RALGAPA1: variants seen among roughly 807,000 people sequenced by gnomAD.
RALGAPA1 encodes Ral GTPase activating protein catalytic subunit alpha 1, also known as ral GTPase-activating protein subunit alpha-1.
RALGAPA1 carries 52 observed loss-of-function variants against 269.6 expected under a neutral mutation model. That is an observed-to-expected ratio of 0.19 (90% CI 0.15 to 0.24). The LOEUF (loss-of-function observed/expected upper bound fraction) is 0.24. RALGAPA1 is among the 10% of genes least tolerant of loss of function. The pLI is 1.00. For missense variants in RALGAPA1, 1,917 were observed against 3,013.9 expected, an observed-to-expected ratio of 0.64 and a Z score of 8.52; for synonymous variants, 817 against 1,008.3, an observed-to-expected ratio of 0.81 and a Z score of 3.60.
At chr14:35,652,385 C>G (rs921009773) in intron 30 of RALGAPA1, among the ~76,000 whole-genome samples, 1 of 130,290 alleles carries the variant, frequency 7.7e-6, no homozygotes, top group Non-Finnish European at 1.7e-5. Flanking sequence ...TATATATATA[C>G]ACACACACAT....
chr14:35,798,987 T>C (rs2076771535), intron 1 of RALGAPA1, among the ~76,000 whole-genome samples: 1 of 142,640 alleles, frequency 7.0e-6, no homozygotes, highest in African/African-American at 2.6e-5. Context: ...CACAGCTGTC[T>C]GTGTCAAAAA....
chr14:35,717,870 A>AT (rs2068984048), intron 16 of RALGAPA1, among the ~76,000 whole-genome samples: 1 of 151,904 alleles, frequency 6.6e-6, no homozygotes, highest in Non-Finnish European at 1.5e-5. Context: ...CATTTTTTTG[A>AT]TATATAATAA....
intron 19 of RALGAPA1, among the ~76,000 whole-genome samples, chr14:35,685,676 G>T (rs1229679365): frequency 6.6e-6 from 1 of 152,124 alleles, no homozygotes; most frequent in African/African-American, 2.4e-5. Context: ...GGCTGAGGTG[G>T]GCAGATCACC....
At chr14:35,638,879 T>C (rs568151534) in intron 31 of RALGAPA1, among the ~76,000 whole-genome samples, 1 of 152,048 alleles carries the variant, frequency 6.6e-6, no homozygotes, top group African/African-American at 2.4e-5. Flanking sequence ...TGAGCTGAGA[T>C]TGCGCCGCTG....
At chr14:35,758,291 A>G (rs1223880552) in intron 6 of RALGAPA1, among the ~76,000 whole-genome samples, 2 of 151,516 alleles carry the variant, frequency 1.3e-5, no homozygotes, top group African/African-American at 4.8e-5. Flanking sequence ...AAGAAGTAAG[A>G]AAATACAAAC....
intron 41 of RALGAPA1, among the ~76,000 whole-genome samples, chr14:35,542,966 T>C (rs952137315): frequency 6.6e-6 from 1 of 152,250 alleles, no homozygotes; most frequent in African/African-American, 2.4e-5. Context: ...TTGTACTGTT[T>C]GGTGACAGGT....
intron 29 of RALGAPA1, 133 bp from the exon 30 acceptor site, chr14:35,654,610 T>A (rs1186115729): frequency 1.9e-5 from 21 of 1,080,304 alleles, no homozygotes; most frequent in Non-Finnish European, 2.6e-5. Context: ...TTAAGATAAA[T>A]CTCTAGCTGC....
In RALGAPA1 at chr14:35,748,074, T is replaced by C. The variant is rs557703678; in HGVS notation, c.1251+511A>G. On this transcript the variant is annotated intron_variant, in intron 10 of 41. Coordinates refer to ENST00000680220, the MANE Select transcript of RALGAPA1 (RefSeq NM_001346249.2). The stretch of plus-strand genomic sequence containing the variant: ...ATAAAATAATTTTACCATAGTTTAT[T>C]AATCAAATGATAGAAGAGTTTCAAT... 1.9e-3 allele frequency among the ~76,000 whole-genome samples: 295 copies of C among 152,144 alleles called. 1 individual carries two copies. Among genetic ancestry groups the C allele is most frequent in the African/African-American group, 6.8e-3 (281 of 41,544 alleles).
chr14:35,655,429 C>T (rs577197302), intron 29 of RALGAPA1, among the ~76,000 whole-genome samples: 2 of 151,904 alleles, frequency 1.3e-5, no homozygotes, highest in Admixed American at 1.3e-4. Context: ...AGCAAAAAAA[C>T]TGAACAGCTC....
At chr14:35,718,617 A>T (rs965847655) in intron 16 of RALGAPA1, among the ~76,000 whole-genome samples, 3 of 152,068 alleles carry the variant, frequency 2.0e-5, no homozygotes, top group African/African-American at 7.2e-5. Context: ...GGAGTTCGAC[A>T]CCAGCCTGGC....
intron 1 of RALGAPA1, among the ~76,000 whole-genome samples, chr14:35,805,998 A>G (rs1251693370): frequency 6.6e-6 from 1 of 152,108 alleles, no homozygotes; most frequent in East Asian, 1.9e-4. Flanking sequence ...GATTATACAT[A>G]TATTATCCTG....
At chr14:35,655,978 C>T in intron 28 of RALGAPA1, 63 bp from the exon 29 acceptor site, 1 of 1,607,452 alleles carries the variant, frequency 6.2e-7, no homozygotes, top group Non-Finnish European at 8.5e-7. Context: ...ACATGACCCA[C>T]AATCAACTGA....
intron 10 of RALGAPA1, among the ~76,000 whole-genome samples, chr14:35,743,899 T>G (rs2141179672): frequency 6.6e-6 from 1 of 152,222 alleles, no homozygotes; most frequent in East Asian, 1.9e-4. Flanking sequence ...TTCTGGGATC[T>G]TAAAAAAAAT....
At chr14:35,664,405 T>C (rs1221267996) in intron 27 of RALGAPA1, among the ~76,000 whole-genome samples, 2 of 152,194 alleles carry the variant, frequency 1.3e-5, no homozygotes, top group Admixed American at 6.5e-5. Flanking sequence ...GAATGAATCC[T>C]AACAGGTAGA....
intron 16 of RALGAPA1, among the ~76,000 whole-genome samples, chr14:35,701,512 A>G (rs2067349745): frequency 6.6e-6 from 1 of 152,122 alleles, no homozygotes; most frequent in Non-Finnish European, 1.5e-5. Flanking sequence ...GAATTTTATA[A>G]TGTTCCTTAA....
At chr14:35,541,751 C>G in intron 41 of RALGAPA1, 1 of 456,952 alleles carries the variant, frequency 2.2e-6, no homozygotes, top group Non-Finnish European at 4.4e-6. Flanking sequence ...TTGAGATGGC[C>G]AATGTTTTCT....
At chr14:35,580,008 A>C (rs1158422281) in intron 37 of RALGAPA1, among the ~76,000 whole-genome samples, 1 of 152,218 alleles carries the variant, frequency 6.6e-6, no homozygotes, top group Non-Finnish European at 1.5e-5. Context: ...AACAGATTTA[A>C]AATAAAAAAT....
intron 38 of RALGAPA1, 30 bp downstream of exon 38, chr14:35,572,530 T>C (rs1277904555): frequency 6.4e-7 from 1 of 1,553,280 alleles, no homozygotes; most frequent in African/African-American, 1.4e-5. Flanking sequence ...CCAAAATCTA[T>C]TACTAAAATG....
intron 39 of RALGAPA1, among the ~76,000 whole-genome samples, chr14:35,557,130 GTGTGTGTA>G (rs2055697934): frequency 1.8e-5 from 2 of 108,758 alleles, no homozygotes; most frequent in African/African-American, 9.5e-5. Flanking sequence ...GTGTGTGTGT[GTGTGTGTA>G]TATATATTCT....
Sources: allele counts gnomAD v4.1 joint callset (sites outside exome capture counted in the v4.1 genomes callset), GRCh38; gene constraint gnomAD v4.1.1; transcripts MANE v1.5; gene names NCBI Gene and HGNC (gene_info 2026-07-23, HGNC 2026-07-21).